The following RASSF3 variants were observed in gnomAD, a reference collection of about 807,000 sequenced individuals.
RASSF3 encodes the protein Ras association domain family member 3.
In RASSF3, 19 loss-of-function variants were observed where a neutral mutation model predicts 19.9. The observed-to-expected ratio is 0.96, with a 90% CI of 0.67 to 1.40. The LOEUF is 1.40. RASSF3 is among the 40% of genes most tolerant of loss of function. The pLI is 0.00. For missense variants in RASSF3, 306 were observed against 289.8 expected, an observed-to-expected ratio of 1.06 and a Z score of -0.41; for synonymous variants, 110 against 104.2, an observed-to-expected ratio of 1.06 and a Z score of -0.34.
intron 1 of RASSF3, among the ~76,000 whole-genome samples, chr12:64,649,010 A>G (rs569901450): frequency 6.6e-6 from 1 of 151,168 alleles, no homozygotes; most frequent in Non-Finnish European, 1.5e-5. Context: ...GGGTCTCATT[A>G]TGTTGCCCAG....
chr12:64,661,233 A>G (rs1396276865), intron 1 of RASSF3, among the ~76,000 whole-genome samples: 1 of 152,196 alleles, frequency 6.6e-6, no homozygotes, highest in Non-Finnish European at 1.5e-5. Flanking sequence ...TGGGCTGGGC[A>G]TGGTGGCTGA....
chr12:64,646,777 A>G (rs2136187549), intron 1 of RASSF3, among the ~76,000 whole-genome samples: 1 of 151,896 alleles, frequency 6.6e-6, no homozygotes, highest in South Asian at 2.1e-4. Context: ...AAATAGAGTG[A>G]AAGACCCAGG....
chr12:64,569,437 GT>G (rs1869482425), intron 2 of RASSF3, among the ~76,000 whole-genome samples: 1 of 152,200 alleles, frequency 6.6e-6, no homozygotes, highest in African/African-American at 2.4e-5. Flanking sequence ...CTCCACACCT[GT>G]GGTGTTGGCC....
At chr12:64,646,131 G>A (rs1871721695) in intron 1 of RASSF3, among the ~76,000 whole-genome samples, 1 of 152,128 alleles carries the variant, frequency 6.6e-6, no homozygotes, top group Non-Finnish European at 1.5e-5. Context: ...CCATTCTCTT[G>A]ATGAACATTT....
chr12:64,688,573 A>T (rs1873452254), intron 3 of RASSF3, 120 bp downstream of exon 3: 2 of 746,660 alleles, frequency 2.7e-6, no homozygotes, highest in South Asian at 1.6e-5. Flanking sequence ...CTGGAGTCCG[A>T]TGCTGGAAGC....
chr12:64,591,258 C>T (rs1592410751), intron 2 of RASSF3, among the ~76,000 whole-genome samples: 2 of 152,070 alleles, frequency 1.3e-5, no homozygotes, highest in African/African-American at 4.8e-5. Flanking sequence ...AGGCGGATCA[C>T]GAGGTCAGGA....
chr12:64,600,928 T>C (rs11831365), intron 2 of RASSF3, among the ~76,000 whole-genome samples: 3,921 of 152,296 alleles, frequency 0.026, 171 homozygotes, highest in African/African-American at 0.09. Flanking sequence ...TCTCTTAATG[T>C]CATTGTAACC....
chr12:64,689,212 G>A (rs1289145527), intron 3 of RASSF3, among the ~76,000 whole-genome samples: 1 of 116,906 alleles, frequency 8.6e-6, no homozygotes, highest in Admixed American at 8.7e-5. Context: ...CATGCGATTT[G>A]AAATCGGGGT....
chr12:64,536,025 G>A (rs530153535), intron 1 of RASSF3, among the ~76,000 whole-genome samples: 62 of 107,044 alleles, frequency 5.8e-4, no homozygotes, highest in Non-Finnish European at 1.0e-3. Context: ...TTGAGACGGA[G>A]TCTTGCTCTG....
intron 1 of RASSF3, among the ~76,000 whole-genome samples, chr12:64,669,990 A>C (rs1872646590): frequency 3.3e-5 from 5 of 150,608 alleles, no homozygotes; most frequent in Admixed American, 3.3e-4. Context: ...AGTAATGTTT[A>C]AAAACCACCT....
chr12:64,544,365 A>G (rs1241891074), downstream of RASSF3, among the ~76,000 whole-genome samples: 1 of 152,160 alleles, frequency 6.6e-6, no homozygotes, highest in Non-Finnish European at 1.5e-5. Flanking sequence ...CTTCTAACAC[A>G]TCAGAAGGAA....
At chr12:64,619,992 AAAAG>A (rs1870692401) in intron 1 of RASSF3, among the ~76,000 whole-genome samples, 1 of 74,658 alleles carries the variant, frequency 1.3e-5, no homozygotes, top group African/African-American at 5.1e-5. Context: ...AAAAAAAAAA[AAAAG>A]AAATTAGTGC....
intron 2 of RASSF3, among the ~76,000 whole-genome samples, chr12:64,586,475 G>A (rs1869802876): frequency 9.7e-6 from 1 of 103,322 alleles, no homozygotes; most frequent in South Asian, 3.4e-4. Context: ...AAGCAACAGA[G>A]CAAGACTCCT....
At chr12:64,638,098 G>A (rs1485905649) in intron 1 of RASSF3, among the ~76,000 whole-genome samples, 2 of 151,972 alleles carry the variant, frequency 1.3e-5, no homozygotes, top group African/African-American at 4.8e-5. Flanking sequence ...CCAAAGTGTT[G>A]GGATTATAGG....
chr12:64,535,193 A>G (rs1034141629), intron 1 of RASSF3, among the ~76,000 whole-genome samples: 4 of 152,110 alleles, frequency 2.6e-5, no homozygotes, highest in Non-Finnish European at 4.4e-5. Flanking sequence ...GGTGGTCCAT[A>G]TAAGAGCATT....
intron 1 of RASSF3, among the ~76,000 whole-genome samples, chr12:64,669,216 C>T (rs1352433414): frequency 1.3e-5 from 2 of 152,126 alleles, no homozygotes; most frequent in African/African-American, 4.8e-5. Flanking sequence ...TTGTTAGGCA[C>T]ATTAGAGGAC....
At chr12:64,685,445 A>G (rs1031976263) in intron 2 of RASSF3, among the ~76,000 whole-genome samples, 1 of 152,040 alleles carries the variant, frequency 6.6e-6, no homozygotes, top group East Asian at 1.9e-4. Flanking sequence ...GGGTTTTGCC[A>G]TATCACCCAG....
intron 1 of RASSF3, among the ~76,000 whole-genome samples, chr12:64,527,573 T>C (rs1412731375): frequency 6.6e-6 from 1 of 152,198 alleles, no homozygotes. Flanking sequence ...CCCCCTTTTT[T>C]AGCATCATCC....
chr12:64,610,441 C>G (rs1870299823), upstream of RASSF3: 1 of 189,964 alleles, frequency 5.3e-6, no homozygotes, highest in Non-Finnish European at 1.1e-5. Flanking sequence ...CGCACCGGGG[C>G]CGAGCCGCGC....
Sources: gnomAD v4.1 joint callset for allele counts (sites outside exome capture counted in the v4.1 genomes callset) on GRCh38, gnomAD v4.1.1 for gene constraint, MANE v1.5 for transcripts, NCBI Gene and HGNC (gene_info 2026-07-23, HGNC 2026-07-21) for gene names.